Variants in ZNF469 observed in about 807,000 individuals in gnomAD.
The protein encoded by ZNF469 is zinc finger protein 469.
A neutral mutation model predicts 1.0 loss-of-function variants in ZNF469; 1 was observed. That is an observed-to-expected ratio of 1.00 (90% CI 0.35 to 4.73). The LOEUF is 4.73. Ranked by LOEUF, ZNF469 falls within the 30% of genes most tolerant of loss-of-function variation. ZNF469 has a pLI of 0.16. For synonymous variants in ZNF469, 2,703 were observed against 2,363.4 expected (o/e 1.14, Z -4.17); for missense variants, 6,100 against 5,356.3 (o/e 1.14, Z -4.33).
the ZNF469 span, among the ~76,000 whole-genome samples, chr16:88,130,929 C>A: frequency 0.029 from 4,469 of 152,114 alleles, 174 homozygotes; most frequent in African/African-American, 0.1. Flanking sequence ...CAGAGACAGG[C>A]GGAAGTGGCG....
At chr16:88,374,190 G>T in the ZNF469 span, among the ~76,000 whole-genome samples, 1 of 152,164 alleles carries the variant, frequency 6.6e-6, no homozygotes, top group Non-Finnish European at 1.5e-5. Flanking sequence ...GCACTCTGTG[G>T]CCCAGCAAGG....
upstream of ZNF469, among the ~76,000 whole-genome samples, chr16:88,380,435 A>G (rs1303887501): frequency 2.1e-5 from 3 of 146,282 alleles, no homozygotes; most frequent in African/African-American, 7.7e-5. Context: ...GCATTCACAC[A>G]TACACAGTCA....
At chr16:88,169,420 C>T in the ZNF469 span, among the ~76,000 whole-genome samples, 1 of 152,194 alleles carries the variant, frequency 6.6e-6, no homozygotes, top group East Asian at 1.9e-4. This position sits in a 1 kb window ranked among gnomAD's most constrained non-coding sequence, Gnocchi z 6.1. Context: ...GGCAGCCCCC[C>T]TCTGATTTCT....
chr16:88,374,708 G>A, the ZNF469 span, among the ~76,000 whole-genome samples: 1 of 152,228 alleles, frequency 6.6e-6, no homozygotes, highest in Admixed American at 6.5e-5. Flanking sequence ...AGTGGGCTGA[G>A]CTCAGCACCA....
the ZNF469 span, among the ~76,000 whole-genome samples, chr16:88,344,132 C>T: frequency 2.0e-5 from 3 of 152,130 alleles, no homozygotes; most frequent in African/African-American, 4.8e-5. Context: ...GTCCTCACAA[C>T]GGTCAAGGTC....
chr16:88,199,041 G>C, the ZNF469 span, among the ~76,000 whole-genome samples: 2 of 152,184 alleles, frequency 1.3e-5, no homozygotes, highest in East Asian at 3.9e-4. Context: ...GTGACCCAGT[G>C]CTCCAGTCTG....
At chr16:88,370,658 G>T in the ZNF469 span, among the ~76,000 whole-genome samples, 1 of 152,128 alleles carries the variant, frequency 6.6e-6, no homozygotes, top group African/African-American at 2.4e-5. Flanking sequence ...GTCTCCTGGG[G>T]CTGCTGTCAC....
chr16:88,113,525 C>T, the ZNF469 span, among the ~76,000 whole-genome samples: 11 of 152,138 alleles, frequency 7.2e-5, no homozygotes, highest in African/African-American at 2.2e-4. Flanking sequence ...GGACGCAGGA[C>T]GTGAGGACCT....
chr16:88,142,419 C>T, the ZNF469 span, among the ~76,000 whole-genome samples: 8 of 152,144 alleles, frequency 5.3e-5, no homozygotes, highest in Admixed American at 1.3e-4. Context: ...TCCTGAGGCT[C>T]GAAAGTGGAA....
the ZNF469 span, among the ~76,000 whole-genome samples, chr16:88,162,724 C>T: frequency 6.6e-6 from 1 of 151,420 alleles, no homozygotes; most frequent in South Asian, 2.1e-4. Context: ...TCCCTTGCCA[C>T]CCTGGCAGTG....
chr16:88,416,726 A>G (rs1775839353), intron 1 of ZNF469, among the ~76,000 whole-genome samples: 1 of 152,218 alleles, frequency 6.6e-6, no homozygotes, highest in Non-Finnish European at 1.5e-5. Context: ...GAGGGATGGT[A>G]ACAACCTTGC....
intron 1 of ZNF469, among the ~76,000 whole-genome samples, chr16:88,395,018 T>C (rs1355038978): frequency 2.0e-5 from 3 of 152,248 alleles, no homozygotes; most frequent in African/African-American, 7.2e-5. Context: ...TTTGCTGCCA[T>C]GTCTTGGCCA....
the ZNF469 span, among the ~76,000 whole-genome samples, chr16:88,140,353 C>T: frequency 1.1e-4 from 16 of 151,666 alleles, no homozygotes; most frequent in Non-Finnish European, 1.5e-4. Flanking sequence ...GAAAGGAGGA[C>T]GGAGCCACGT....
the ZNF469 span, among the ~76,000 whole-genome samples, chr16:88,113,525 C>A: frequency 6.6e-6 from 1 of 152,256 alleles, no homozygotes; most frequent in Middle Eastern, 3.4e-3. Context: ...GGACGCAGGA[C>A]GTGAGGACCT....
chr16:88,166,694 T>C, the ZNF469 span, among the ~76,000 whole-genome samples: 1 of 151,368 alleles, frequency 6.6e-6, no homozygotes, highest in Non-Finnish European at 1.5e-5. This position sits in a 1 kb window ranked among gnomAD's most constrained non-coding sequence, Gnocchi z 4.5. Context: ...GGTGAGGCGT[T>C]TTTCAAGGGC....
At chr16:88,354,261 G>A in the ZNF469 span, among the ~76,000 whole-genome samples, 1 of 152,196 alleles carries the variant, frequency 6.6e-6, no homozygotes, top group South Asian at 2.1e-4. Context: ...GGGGACCAGG[G>A]AGAAGCAAGG....
rs537930010 is a variant in ZNF469, at chr16:88,438,278, G to T, written c.10808G>T (p.Arg3603Leu). Residue 3603 changes from arginine (R) to leucine (L), a missense_variant, in exon 3 of 3, where the codon CGG (arginine) becomes CTG (leucine). Transcript: ENST00000565624. ...CTCCCTCTGGGGGCATCTCTGCCGC[G>T]GCCGGGAGCCAGAGGCCAAGATGCG... The part of the protein sequence containing the change: ...QALPLGASLP[R>L]PGARGQDAEG... 5.8e-6 allele frequency: 9 copies of T among 1,548,168 alleles called. No individual in the cohort carries two copies. The highest frequency in any genetic ancestry group is 7.9e-6 in the Non-Finnish European group (9 of 1,145,436).
At chr16:88,375,102 T>A in the ZNF469 span, among the ~76,000 whole-genome samples, 12 of 152,202 alleles carry the variant, frequency 7.9e-5, no homozygotes, top group Admixed American at 3.9e-4. Context: ...GGCAGGGTGG[T>A]TGATGGTCTC....
In ZNF469 at chr16:88,433,505, C is replaced by G; in HGVS notation, c.6035C>G (p.Thr2012Arg). ...QPENGVSPGG[T>R]DNHASVNASP... ...GAGAACGGGGTGAGCCCAGGGGGCA[C>G]GGACAACCACGCCTCAGTCAATGCC... Residue 2012 changes from threonine (T) to arginine (R), a missense_variant, in exon 3 of 3, where the codon ACG becomes AGG. Thr to Arg is a moderately conservative substitution (Grantham distance 71, BLOSUM62 -1). Transcript: ENST00000565624. The G allele has an allele frequency of 6.4e-7, 1 of 1,550,390 alleles. No homozygotes were observed. The highest frequency in any genetic ancestry group is 8.7e-7 in the Non-Finnish European group (1 of 1,146,938).
Sources: allele counts gnomAD v4.1 joint callset (sites outside exome capture counted in the v4.1 genomes callset), GRCh38; gene constraint gnomAD v4.1.1; non-coding constraint Gnocchi (gnomAD v3.1); transcripts MANE v1.5; gene names NCBI Gene and HGNC (gene_info 2026-07-23, HGNC 2026-07-21).